The following CFAP210 variants were observed in gnomAD, a reference collection of about 807,000 sequenced individuals.
CFAP210 encodes cilia and flagella associated protein 210.
At chr2:169,692,697 T>C in the CFAP210 span, among the ~76,000 whole-genome samples, 1 of 152,156 alleles carries the variant, frequency 6.6e-6, no homozygotes, top group African/African-American at 2.4e-5. Flanking sequence ...CACTGAACAT[T>C]TGACAAACAT....
chr2:169,687,556 G>T, the CFAP210 span, among the ~76,000 whole-genome samples: 1 of 152,138 alleles, frequency 6.6e-6, no homozygotes, highest in Non-Finnish European at 1.5e-5. Context: ...TTTGACTCTA[G>T]GTCTCACATT....
chr2:169,678,392 C>T, the CFAP210 span, among the ~76,000 whole-genome samples: 15 of 130,360 alleles, frequency 1.2e-4, no homozygotes, highest in Non-Finnish European at 2.2e-4. Context: ...AAGCCTTAAA[C>T]AAATAGAGAG....
the CFAP210 span, chr2:169,694,402 C>T: frequency 6.9e-7 from 1 of 1,447,664 alleles, no homozygotes; most frequent in African/African-American, 1.4e-5. Context: ...GTTACTCGTA[C>T]CACGCGGTTG....
the CFAP210 span, among the ~76,000 whole-genome samples, chr2:169,653,064 ATATGTATGTGTGTATATATATG>A: frequency 1.0e-5 from 1 of 96,240 alleles, no homozygotes. Context: ...ATATATATAT[ATATGTATGTGTGTATATATATG>A]TATGTATATA....
the CFAP210 span, among the ~76,000 whole-genome samples, chr2:169,671,073 C>T: frequency 6.6e-6 from 1 of 152,186 alleles, no homozygotes; most frequent in Admixed American, 6.5e-5. Flanking sequence ...AGAAGACAGT[C>T]ATTCCAAATT....
At chr2:169,652,069 G>A in the CFAP210 span, among the ~76,000 whole-genome samples, 1 of 152,024 alleles carries the variant, frequency 6.6e-6, no homozygotes, top group Non-Finnish European at 1.5e-5. Context: ...AATACATCTT[G>A]TTAAATTAGG....
chr2:169,685,355 G>C, the CFAP210 span, among the ~76,000 whole-genome samples: 1 of 152,122 alleles, frequency 6.6e-6, no homozygotes. Context: ...TTCTATAATA[G>C]CTAATGAAGT....
At chr2:169,659,749 C>G in the CFAP210 span, among the ~76,000 whole-genome samples, 1 of 152,164 alleles carries the variant, frequency 6.6e-6, no homozygotes, top group Non-Finnish European at 1.5e-5. Context: ...CCCAACAGTC[C>G]CCAAAGTCTT....
At chr2:169,682,156 C>T in the CFAP210 span, among the ~76,000 whole-genome samples, 3 of 152,154 alleles carry the variant, frequency 2.0e-5, no homozygotes, top group East Asian at 1.9e-4. Flanking sequence ...CTTGGAAAAA[C>T]GGTCCTACCC....
chr2:169,680,261 T>C, the CFAP210 span, among the ~76,000 whole-genome samples: 1 of 152,196 alleles, frequency 6.6e-6, no homozygotes, highest in African/African-American at 2.4e-5. Flanking sequence ...ATACCAAGTG[T>C]TGTTGAGGAT....
chr2:169,694,196 G>C, the CFAP210 span: 7 of 1,506,446 alleles, frequency 4.6e-6, no homozygotes, highest in South Asian at 5.7e-5. Flanking sequence ...CGGCATCCTC[G>C]CCTCTCACTC....
At chr2:169,657,712 T>C in the CFAP210 span, among the ~76,000 whole-genome samples, 1 of 151,806 alleles carries the variant, frequency 6.6e-6, no homozygotes, top group Non-Finnish European at 1.5e-5. Context: ...AGGGTGAAAC[T>C]GTCTCAAAAC....
the CFAP210 span, among the ~76,000 whole-genome samples, chr2:169,679,896 T>C: frequency 6.6e-5 from 10 of 152,092 alleles, no homozygotes; most frequent in East Asian, 1.2e-3. Flanking sequence ...GAATGATATA[T>C]ACAAGAAAAA....
At chr2:169,646,034 T>C in the CFAP210 span, 3 of 1,613,896 alleles carry the variant, frequency 1.9e-6, no homozygotes, top group Non-Finnish European at 2.5e-6. Context: ...AGGGTAAATA[T>C]ATTTATTTGT....
the CFAP210 span, among the ~76,000 whole-genome samples, chr2:169,654,724 T>A: frequency 6.6e-6 from 1 of 152,116 alleles, no homozygotes; most frequent in Non-Finnish European, 1.5e-5. Context: ...TCTCTTCAAG[T>A]ATCTCATGTC....
the CFAP210 span, among the ~76,000 whole-genome samples, chr2:169,672,556 G>A: frequency 6.6e-6 from 1 of 152,196 alleles, no homozygotes; most frequent in Admixed American, 6.5e-5. Context: ...GCAAGCTGCT[G>A]GTGCAAGTCC....
At chr2:169,649,440 G>T in the CFAP210 span, 1 of 1,154,608 alleles carries the variant, frequency 8.7e-7, no homozygotes. Flanking sequence ...AAGCAGAGGA[G>T]AGTCAGCCAG....
the CFAP210 span, among the ~76,000 whole-genome samples, chr2:169,673,635 ATGC>A: frequency 5.9e-5 from 9 of 152,330 alleles, no homozygotes; most frequent in Non-Finnish European, 1.2e-4. Context: ...TAATAAGACA[ATGC>A]TGCTAATTCA....
At chr2:169,660,193 C>T in the CFAP210 span, among the ~76,000 whole-genome samples, 4 of 151,974 alleles carry the variant, frequency 2.6e-5, no homozygotes, top group African/African-American at 9.7e-5. Context: ...TCAAGACCAG[C>T]CTGGCCAACA....
Sources: gnomAD v4.1 joint callset for allele counts (sites outside exome capture counted in the v4.1 genomes callset) on GRCh38, gnomAD v4.1.1 for gene constraint, MANE v1.5 for transcripts, NCBI Gene and HGNC (gene_info 2026-07-23, HGNC 2026-07-21) for gene names.